Variants in CHRDL1 observed in about 807,000 individuals in gnomAD.
The protein encoded by CHRDL1 is chordin-like protein 1.
In CHRDL1, 19 loss-of-function variants were observed where a neutral mutation model predicts 40.9. That is an observed-to-expected ratio of 0.46 (90% CI 0.32 to 0.68). The LOEUF (loss-of-function observed/expected upper bound fraction) is 0.68. CHRDL1 is among the 30% of genes least tolerant of loss of function. The pLI is 0.03. For missense variants in CHRDL1, 329 were observed against 352.1 expected, an observed-to-expected ratio of 0.93 and a Z score of 0.53; for synonymous variants, 136 against 123.4, an observed-to-expected ratio of 1.10 and a Z score of -0.68.
At chrX:110,699,285 T>A (rs1252331464) in intron 7 of CHRDL1, among the ~76,000 whole-genome samples, 4 of 111,554 alleles carry the variant, frequency 3.6e-5, no homozygotes, top group Non-Finnish European at 7.5e-5. Context: ...AAGTTAGAAG[T>A]GGCCCATGTG....
chrX:110,744,829 C>A (rs961097556), intron 4 of CHRDL1, among the ~76,000 whole-genome samples: 1 of 110,658 alleles, frequency 9.0e-6, no homozygotes, highest in Admixed American at 9.7e-5. Context: ...ACCAACAATA[C>A]CTTGCATTTA....
intron 6 of CHRDL1, among the ~76,000 whole-genome samples, chrX:110,703,466 A>G (rs770944011): frequency 1.8e-5 from 2 of 111,994 alleles, no homozygotes; most frequent in African/African-American, 3.2e-5. Flanking sequence ...AGATGATTTC[A>G]ACTATGTTTA....
intron 5 of CHRDL1, among the ~76,000 whole-genome samples, chrX:110,720,655 G>T (rs2070934430): frequency 8.9e-6 from 1 of 111,831 alleles, no homozygotes; most frequent in African/African-American, 3.2e-5. Flanking sequence ...CTAAAGGGAA[G>T]AGATTCTATA....
At chrX:110,788,263 G>A (rs776470197) in intron 2 of CHRDL1, among the ~76,000 whole-genome samples, 1 of 111,967 alleles carries the variant, frequency 8.9e-6, no homozygotes, top group Admixed American at 9.4e-5. Context: ...TGTAACTATG[G>A]CTAATTAGCT....
intron 2 of CHRDL1, among the ~76,000 whole-genome samples, chrX:110,781,626 G>A (rs1023873442): frequency 1.2e-4 from 13 of 110,688 alleles, no homozygotes; most frequent in Admixed American, 9.6e-5. Context: ...GAAGAAAGGG[G>A]ATAATAAAAG....
chrX:110,760,508 G>T (rs1200959367), intron 3 of CHRDL1, among the ~76,000 whole-genome samples: 4 of 112,280 alleles, frequency 3.6e-5, no homozygotes, highest in African/African-American at 1.3e-4. Context: ...GTAGTGAAGA[G>T]GATATAGAAA....
rs1209359449 is a variant in CHRDL1, at chrX:110,675,561, C to T, written c.*670G>A. The T allele has an allele frequency of 1.8e-5, 2 of 111,565 alleles. No individual in the cohort carries two copies. The highest frequency in any genetic ancestry group is 3.8e-5 in the Non-Finnish European group (2 of 53,138). 9.2% of individuals were successfully genotyped at this position (111,565 alleles called of 1,213,427 possible). A position where few individuals can be genotyped will look rare whatever the true frequency, so the allele number is the denominator to read the frequency against. Reference sequence around the variant, plus strand: ...AGCCTCTTGTTCACAGTTATTTACTCTCCTGGGCACAAAAACTTCCAAGCT... The same window carrying T: ...AGCCTCTTGTTCACAGTTATTTACTTTCCTGGGCACAAAAACTTCCAAGCT... On this transcript the variant is annotated 3_prime_UTR_variant, in exon 12 of 12. Coordinates refer to ENST00000372042, the MANE Select transcript of CHRDL1 (RefSeq NM_001143981.2).
intron 6 of CHRDL1, 83 bp downstream of exon 6, chrX:110,719,752 C>A: frequency 1.9e-6 from 1 of 532,994 alleles, no homozygotes. Context: ...TTCCCTAGGA[C>A]ATTAGACAGG....
chrX:110,733,617 C>G (rs1220069654), intron 4 of CHRDL1, among the ~76,000 whole-genome samples: 1 of 111,795 alleles, frequency 8.9e-6, no homozygotes, highest in Non-Finnish European at 1.9e-5. Context: ...CATTAGAACA[C>G]AGCATGCTGG....
rs190090537 is a variant in CHRDL1 at position 110,751,760 on chromosome X, C to T, written c.301+7901G>A. On this transcript the variant is annotated intron_variant, in intron 4 of 11. Coordinates refer to ENST00000372042, the MANE Select transcript of CHRDL1 (RefSeq NM_001143981.2). ...TAAAACTACTATATGATCCAGCAAT[C>T]CTACTACTGGGTATATATCCAAAAA... 2.5e-3 allele frequency among the ~76,000 whole-genome samples: 276 copies of T among 111,581 alleles called. 1 individual carries two copies. The highest frequency in any genetic ancestry group is 8.4e-3 in the African/African-American group (257 of 30,700).
Position 110,787,816 on chromosome X carries a change from A to G in CHRDL1, c.94+4272T>C, listed in dbSNP as rs554434673. 1.7e-4 allele frequency among the ~76,000 whole-genome samples: 19 copies of G among 112,377 alleles called. No homozygotes were observed. In the South Asian group the frequency reaches 7.0e-3, roughly 41 times the overall value. Reference sequence around the variant, plus strand: ...TGTAAAGCAGGAGTGGACTGCATGAAATACATGAACAATTTCTCTCTCCAG... The same window carrying G: ...TGTAAAGCAGGAGTGGACTGCATGAGATACATGAACAATTTCTCTCTCCAG... On this transcript the variant is annotated intron_variant, in intron 2 of 11. Transcript: ENST00000372042.
chrX:110,709,998 A>T (rs984801325), intron 6 of CHRDL1, among the ~76,000 whole-genome samples: 4 of 106,578 alleles, frequency 3.8e-5, no homozygotes, highest in Non-Finnish European at 5.8e-5. Flanking sequence ...ACTCTGTCTT[A>T]AAAAAAAAAA....
intron 6 of CHRDL1, among the ~76,000 whole-genome samples, chrX:110,711,909 T>C (rs779246747): frequency 4.5e-4 from 50 of 112,114 alleles, no homozygotes; most frequent in Non-Finnish European, 8.6e-4. Context: ...CAAAATTTCA[T>C]AAAAAGTGAC....
intron 8 of CHRDL1, among the ~76,000 whole-genome samples, chrX:110,690,697 T>C (rs187183310): frequency 1.8e-5 from 2 of 111,245 alleles, no homozygotes; most frequent in African/African-American, 3.3e-5. Context: ...TAAGTCAAGA[T>C]TGAGAGGGAA....
At chrX:110,779,114 GGA>G (rs1437920477) in intron 2 of CHRDL1, among the ~76,000 whole-genome samples, 1 of 111,062 alleles carries the variant, frequency 9.0e-6, no homozygotes, top group Admixed American at 9.6e-5. Context: ...GAAGGTGGGA[GGA>G]GAGAGAGGAT....
chrX:110,754,636 T>C (rs1342399653), intron 4 of CHRDL1, among the ~76,000 whole-genome samples: 6 of 111,852 alleles, frequency 5.4e-5, no homozygotes, highest in Non-Finnish European at 1.1e-4. Context: ...GTGTCTCTCT[T>C]GGCAAACCAC....
At chrX:110,725,646 G>C (rs150415501) in intron 4 of CHRDL1, among the ~76,000 whole-genome samples, 1 of 111,680 alleles carries the variant, frequency 9.0e-6, no homozygotes, top group East Asian at 2.8e-4. Flanking sequence ...TTCCATAGTA[G>C]GACAGTTCTT....
intron 4 of CHRDL1, among the ~76,000 whole-genome samples, chrX:110,752,144 T>C (rs778384986): frequency 8.9e-6 from 1 of 112,168 alleles, no homozygotes; most frequent in South Asian, 3.8e-4. Context: ...CTTGTCTCAC[T>C]GCAACCTCCA....
At chrX:110,731,686 T>C (rs929342320) in intron 4 of CHRDL1, among the ~76,000 whole-genome samples, 2 of 110,989 alleles carry the variant, frequency 1.8e-5, no homozygotes, top group Admixed American at 1.9e-4. Context: ...AAAATTCTGC[T>C]AAGTGAAAAA....
Sources: allele counts gnomAD v4.1 joint callset (sites outside exome capture counted in the v4.1 genomes callset), GRCh38; gene constraint gnomAD v4.1.1; transcripts MANE v1.5; gene names NCBI Gene and HGNC (gene_info 2026-07-23, HGNC 2026-07-21).